The following ZNF521 variants were observed in gnomAD, a reference collection of about 807,000 sequenced individuals.
ZNF521 encodes zinc finger protein 521.
A neutral mutation model predicts 105.5 loss-of-function variants in ZNF521; 14 were observed. That is an observed-to-expected ratio of 0.13 (90% CI 0.09 to 0.21). The LOEUF (loss-of-function observed/expected upper bound fraction) is 0.21. ZNF521 is among the 10% of genes least tolerant of loss of function. The probability of loss-of-function intolerance (pLI) is 1.00; values close to 1 mark genes in which losing one functional copy is unlikely to be tolerated. For missense variants in ZNF521, 1,233 were observed against 1,629.7 expected (o/e 0.76, Z 4.19); for synonymous variants, 635 against 606.0 (o/e 1.05, Z -0.70).
At chr18:25,182,295 T>C (rs935783431) in intron 5 of ZNF521, among the ~76,000 whole-genome samples, 3 of 152,052 alleles carry the variant, frequency 2.0e-5, no homozygotes, top group African/African-American at 7.2e-5. Flanking sequence ...CTATAATGAG[T>C]TTTTGGGTTA....
chr18:25,166,623 T>C (rs2035347066), intron 5 of ZNF521, among the ~76,000 whole-genome samples: 1 of 152,204 alleles, frequency 6.6e-6, no homozygotes, highest in South Asian at 2.1e-4. Flanking sequence ...TTGTAGACTT[T>C]TAATACAAAA....
At chr18:25,068,863 G>A (rs924492304) in intron 7 of ZNF521, among the ~76,000 whole-genome samples, 3 of 152,104 alleles carry the variant, frequency 2.0e-5, no homozygotes, top group Non-Finnish European at 2.9e-5. Flanking sequence ...GACACAAAGC[G>A]AGCTGGGCAC....
intron 3 of ZNF521, among the ~76,000 whole-genome samples, chr18:25,233,469 T>C (rs886773098): frequency 2.3e-4 from 35 of 152,210 alleles, no homozygotes; most frequent in African/African-American, 8.4e-4. Context: ...TTATTTATAA[T>C]TCACAGATGC....
chr18:25,319,230 C>A (rs527595242), intron 3 of ZNF521, among the ~76,000 whole-genome samples: 1 of 152,122 alleles, frequency 6.6e-6, no homozygotes, highest in South Asian at 2.1e-4. Context: ...TACAAATAAA[C>A]AAATGAATAA....
At chr18:25,292,377 T>C (rs1028689242) in intron 3 of ZNF521, among the ~76,000 whole-genome samples, 1 of 152,222 alleles carries the variant, frequency 6.6e-6, no homozygotes, top group African/African-American at 2.4e-5. Flanking sequence ...ACATTTCACA[T>C]GAGTTGCCTT....
chr18:25,175,624 A>G (rs2035523931), intron 5 of ZNF521, among the ~76,000 whole-genome samples: 1 of 152,198 alleles, frequency 6.6e-6, no homozygotes, highest in Admixed American at 6.5e-5. Context: ...GTTGAGTTAC[A>G]AAACTGAAAA....
intron 3 of ZNF521, among the ~76,000 whole-genome samples, chr18:25,300,265 A>T (rs1427021905): frequency 6.6e-6 from 1 of 152,208 alleles, no homozygotes; most frequent in Non-Finnish European, 1.5e-5. Context: ...TGAAAAGCAG[A>T]TCCACCAATC....
At chr18:25,336,765 T>A (rs1480788994) in intron 2 of ZNF521, among the ~76,000 whole-genome samples, 1 of 152,070 alleles carries the variant, frequency 6.6e-6, no homozygotes, top group East Asian at 1.9e-4. Flanking sequence ...ACATAAAAAT[T>A]CCCAATCTTC....
At chr18:25,349,312 C>A (rs1247431974) in intron 2 of ZNF521, among the ~76,000 whole-genome samples, 1 of 152,112 alleles carries the variant, frequency 6.6e-6, no homozygotes. Flanking sequence ...ACGCCCGTGG[C>A]GTTTCTTTTT....
intron 5 of ZNF521, among the ~76,000 whole-genome samples, chr18:25,167,706 A>G (rs1489765060): frequency 6.6e-6 from 1 of 152,120 alleles, no homozygotes; most frequent in Non-Finnish European, 1.5e-5. Flanking sequence ...AGGAGGAGGG[A>G]CTAAAAATTT....
At chr18:25,195,793 A>G (rs983382066) in intron 4 of ZNF521, among the ~76,000 whole-genome samples, 14 of 151,824 alleles carry the variant, frequency 9.2e-5, no homozygotes, top group African/African-American at 3.4e-4. Flanking sequence ...TAGTATTTAA[A>G]TATGTACCTC....
At chr18:25,245,379 C>G (rs760188005) in intron 3 of ZNF521, among the ~76,000 whole-genome samples, 2 of 152,176 alleles carry the variant, frequency 1.3e-5, no homozygotes, top group Non-Finnish European at 2.9e-5. Context: ...CATCCCCCAC[C>G]AGAATGGTAC....
At position 25,062,740 on chromosome 18, in the gene ZNF521, T is replaced by C; in HGVS notation, c.3908A>G (p.Asn1303Ser). 6.9e-7 allele frequency: 1 copy of C among 1,445,108 alleles called. No homozygotes were observed. Among genetic ancestry groups the C allele is most frequent in the Non-Finnish European group, 9.2e-7 (1 of 1,085,404 alleles). 89.5% of individuals were successfully genotyped at this position (1,445,108 alleles called of 1,614,324 possible). Residue 1303 changes from asparagine to serine, a missense_variant and splice_region_variant, in exon 8 of 8, where the codon AAT becomes AGT. Transcript: ENST00000361524. The part of the protein sequence containing the change: ...QKFFFQTELQ[N>S]HTMTQHSS ...ACTGCTGTGTTGGGTCATTGTATGA[T>C]TCTGTAAATAACAAAAAAAAAAAAA... is the stretch of plus-strand genomic sequence containing the variant.
intron 3 of ZNF521, among the ~76,000 whole-genome samples, chr18:25,257,834 T>A (rs532335489): frequency 6.6e-6 from 1 of 152,256 alleles, no homozygotes; most frequent in Non-Finnish European, 1.5e-5. Flanking sequence ...CCATATCCCA[T>A]TATAACGGGT....
chr18:25,226,633 G>A lies in ZNF521; in HGVS notation c.1285C>T (p.His429Tyr). 1 of 1,614,188 alleles carries A rather than the reference G, an allele frequency of 6.2e-7. No homozygotes were observed. Among genetic ancestry groups the A allele is most frequent in the Non-Finnish European group, 8.5e-7 (1 of 1,180,028 alleles). The change falls in exon 4 of 8, where the codon CAC (histidine) becomes TAC (tyrosine). Residue 429 changes from histidine (H) to tyrosine (Y), a missense_variant. Around this residue, in one of 6 missense-constraint regions of ZNF521, gnomAD observed 380 missense variants for 478.0 expected, o/e 0.80. Coordinates refer to ENST00000361524, the MANE Select transcript of ZNF521 (RefSeq NM_015461.3). This position sits in a 1 kb window ranked among gnomAD's most constrained non-coding sequence, Gnocchi z 4.1. ...AVLQIHLKTM[H>Y]LDKPEQAHIC... ...TGGGCCTGTTCTGGCTTATCTAAGT[G>A]CATAGTTTTCAGGTGAATCTGCAGA...
intron 3 of ZNF521, among the ~76,000 whole-genome samples, chr18:25,310,304 G>A (rs1452796886): frequency 1.3e-5 from 2 of 152,012 alleles, no homozygotes; most frequent in Non-Finnish European, 2.9e-5. Context: ...GCATTTAAAG[G>A]TTGAAGTTAA....
chr18:25,324,700 G>A (rs1179451493), intron 2 of ZNF521, among the ~76,000 whole-genome samples: 1 of 152,168 alleles, frequency 6.6e-6, no homozygotes, highest in Non-Finnish European at 1.5e-5. Flanking sequence ...AGACCTGTTT[G>A]TTTTTAAATA....
intron 3 of ZNF521, among the ~76,000 whole-genome samples, chr18:25,321,575 T>G (rs1404691174): frequency 6.6e-6 from 1 of 152,162 alleles, no homozygotes; most frequent in Admixed American, 6.5e-5. Flanking sequence ...TTGAACTTTA[T>G]GGGAACACAA....
At chr18:25,300,475 T>C (rs961971045) in intron 3 of ZNF521, among the ~76,000 whole-genome samples, 3 of 152,174 alleles carry the variant, frequency 2.0e-5, no homozygotes, top group African/African-American at 4.8e-5. Flanking sequence ...GATCTAATAG[T>C]GTATAAACAA....
Sources: gnomAD v4.1 joint callset for allele counts (sites outside exome capture counted in the v4.1 genomes callset) on GRCh38, gnomAD v4.1.1 for gene constraint, gnomAD v4.1.1 regional missense constraint, Gnocchi (gnomAD v3.1) non-coding constraint, MANE v1.5 for transcripts, NCBI Gene and HGNC (gene_info 2026-07-23, HGNC 2026-07-21) for gene names.